WDR64: variants seen among roughly 807,000 people sequenced by gnomAD.
WDR64 encodes the protein WD repeat domain 64.
In WDR64, 112 loss-of-function variants were observed where a neutral mutation model predicts 139.3. The ratio of observed to expected loss-of-function variants is 0.80; its 90% CI spans 0.69 to 0.94. The LOEUF is 0.94. WDR64 is among the 40% of genes least tolerant of loss of function. The pLI is 0.00. For synonymous variants in WDR64, 444 were observed against 437.7 expected, an observed-to-expected ratio of 1.01 and a Z score of -0.18; for missense variants, 1,206 against 1,293.1, an observed-to-expected ratio of 0.93 and a Z score of 1.03.
chr1:241,677,366 T>C (rs1241755341), intron 4 of WDR64: 1 of 398,426 alleles, frequency 2.5e-6, no homozygotes, highest in African/African-American at 2.1e-5. Flanking sequence ...AAAAGCCTTT[T>C]TGAACTCTTC....
At chr1:241,777,912 T>G (rs1427822134) in intron 21 of WDR64, among the ~76,000 whole-genome samples, 2 of 152,156 alleles carry the variant, frequency 1.3e-5, no homozygotes, top group African/African-American at 4.8e-5. Context: ...GTTGTTCAGG[T>G]GCGTTCTGTG....
intron 8 of WDR64, among the ~76,000 whole-genome samples, chr1:241,697,258 T>C (rs1033952394): frequency 5.9e-5 from 9 of 152,220 alleles, no homozygotes; most frequent in African/African-American, 2.2e-4. Context: ...TCCTCCTACA[T>C]GATGAAAAAC....
intron 16 of WDR64, 138 bp from the exon 17 acceptor site, chr1:241,769,266 T>C (rs1411271755): frequency 1.2e-5 from 8 of 679,024 alleles, no homozygotes; most frequent in Non-Finnish European, 2.0e-5. Context: ...CAAACTCTAC[T>C]TCCTTGCATT....
intron 10 of WDR64, among the ~76,000 whole-genome samples, 176 bp downstream of exon 10, chr1:241,723,612 T>C (rs1355763508): frequency 6.6e-6 from 1 of 152,164 alleles, no homozygotes; most frequent in Non-Finnish European, 1.5e-5. Context: ...TTCTATTGAT[T>C]ATAGCATAAG....
chr1:241,709,870 G>A (rs902532958), intron 8 of WDR64, among the ~76,000 whole-genome samples: 2 of 151,908 alleles, frequency 1.3e-5, no homozygotes, highest in African/African-American at 4.8e-5. Context: ...GTAATCACAG[G>A]AAATTTGAGA....
chr1:241,749,936 C>G (rs952025956), intron 14 of WDR64, among the ~76,000 whole-genome samples: 1 of 152,184 alleles, frequency 6.6e-6, no homozygotes, highest in Admixed American at 6.5e-5. Flanking sequence ...TGCTGCCCAT[C>G]AAGCTTCCGC....
intron 9 of WDR64, among the ~76,000 whole-genome samples, chr1:241,719,781 A>T (rs1668536621): frequency 6.6e-6 from 1 of 152,070 alleles, no homozygotes; most frequent in Admixed American, 6.6e-5. Flanking sequence ...GGGTTTTAAA[A>T]ATTTATTTAT....
At chr1:241,759,741 C>T (rs1215289855) in intron 15 of WDR64, among the ~76,000 whole-genome samples, 1 of 151,952 alleles carries the variant, frequency 6.6e-6, no homozygotes, top group Non-Finnish European at 1.5e-5. Context: ...GTAATATTTA[C>T]CACTTAGACT....
intron 2 of WDR64, among the ~76,000 whole-genome samples, chr1:241,664,300 G>A (rs1317002486): frequency 1.3e-5 from 2 of 152,114 alleles, no homozygotes; most frequent in Admixed American, 1.3e-4. Flanking sequence ...ACACTCAGTG[G>A]TTTATATGCA....
chr1:241,675,027 C>G (rs1482440776), intron 4 of WDR64, among the ~76,000 whole-genome samples: 3 of 20,860 alleles, frequency 1.4e-4, no homozygotes, highest in South Asian at 2.2e-3. Context: ...CTTCTTCCTT[C>G]CCTCCCTCCT....
intron 22 of WDR64, among the ~76,000 whole-genome samples, chr1:241,781,110 T>C (rs1658830962): frequency 6.6e-6 from 1 of 152,188 alleles, no homozygotes. Flanking sequence ...TATTATTAAT[T>C]TTAACAGATA....
chr1:241,770,639 C>G lies in WDR64; in HGVS notation c.2202C>G (p.Ser734=), dbSNP rs977459879. The stretch of plus-strand genomic sequence containing the variant: ...CTTATAGGAGATCAAGTCAGGATTC[C>G]ATATGTTCTTCATCCCAGTGTGAAT... The part of the protein sequence containing the change: ...PECARRSSQD[S]ICSSSQCESS... The change falls in exon 18 of 28, where the codon TCC becomes TCG. Residue 734 remains serine (S), a synonymous_variant. Transcript: ENST00000437684. The G allele has an allele frequency of 1.9e-6, 3 of 1,551,366 alleles. No homozygotes were observed. The African/African-American group carries it at 4.1e-5, about 21-fold the overall frequency.
At chr1:241,683,777 GA>G in intron 7 of WDR64, 76 bp downstream of exon 7, 1 of 1,157,386 alleles carries the variant, frequency 8.6e-7, no homozygotes, top group Non-Finnish European at 1.2e-6. Flanking sequence ...GGTACAAAGT[GA>G]AAAATGAGAT....
intron 8 of WDR64, among the ~76,000 whole-genome samples, chr1:241,708,464 C>T (rs868140535): frequency 6.6e-6 from 1 of 152,136 alleles, no homozygotes; most frequent in South Asian, 2.1e-4. Context: ...CACGCATACA[C>T]CACCATGCCT....
chr1:241,725,677 C>G (rs891567156), intron 10 of WDR64, among the ~76,000 whole-genome samples: 8 of 152,148 alleles, frequency 5.3e-5, no homozygotes, highest in Non-Finnish European at 1.2e-4. Flanking sequence ...AGGACGTGAC[C>G]TGACCTGCAG....
intron 1 of WDR64, among the ~76,000 whole-genome samples, chr1:241,659,656 A>G (rs1422843124): frequency 2.6e-5 from 4 of 152,168 alleles, no homozygotes; most frequent in Admixed American, 2.6e-4. Flanking sequence ...TTGTGTAATG[A>G]CCAGTGATGA....
At position 241,790,703 on chromosome 1, in the gene WDR64, T is replaced by TAAAAAAAAAAAAAAAAA. The variant is rs35435449; in HGVS notation, c.2997+9_2997+25dup. 1 of 1,193,608 alleles carries TAAAAAAAAAAAAAAAAA rather than the reference T, an allele frequency of 8.4e-7. No homozygotes were observed. The highest frequency in any genetic ancestry group is 1.1e-6 in the Non-Finnish European group (1 of 876,626). 73.9% of individuals were successfully genotyped at this position (1,193,608 alleles called of 1,614,324 possible). Reference sequence around the variant, plus strand: ...GTCTCTTTCTTCTCCTAAGGTAGCTTAAAAAAAAAAAAAAAAAAGAAATGG... The same window carrying TAAAAAAAAAAAAAAAAA: ...GTCTCTTTCTTCTCCTAAGGTAGCTTAAAAAAAAAAAAAAAAAAAAAAAAAAAAAAAAAAAGAAATGG... On this transcript the variant is annotated splice_region_variant and intron_variant, in intron 25 of 27. Transcript: ENST00000437684.
At chr1:241,788,105 T>C (rs1411570104) in intron 24 of WDR64, 71 bp downstream of exon 24, 9 of 1,358,826 alleles carry the variant, frequency 6.6e-6, no homozygotes, top group Non-Finnish European at 6.9e-6. Context: ...GCACTGTCCT[T>C]GAGATGGAGA....
At chr1:241,792,136 CCTGT>C (rs768633784) in intron 25 of WDR64, among the ~76,000 whole-genome samples, 3 of 152,202 alleles carry the variant, frequency 2.0e-5, no homozygotes, top group Non-Finnish European at 2.9e-5. Flanking sequence ...CCTGAGCATT[CCTGT>C]CTGTCTTCTG....
Sources: allele counts gnomAD v4.1 joint callset (sites outside exome capture counted in the v4.1 genomes callset), GRCh38; gene constraint gnomAD v4.1.1; transcripts MANE v1.5; gene names NCBI Gene and HGNC (gene_info 2026-07-23, HGNC 2026-07-21).